SNX21: variants seen among roughly 807,000 people sequenced by gnomAD.
SNX21 encodes sorting nexin-21.
SNX21 carries 36 observed loss-of-function variants against 30.9 expected under a neutral mutation model. That is an observed-to-expected ratio of 1.16 (90% CI 0.89 to 1.54). The LOEUF is 1.54. Among genes scored for constraint, SNX21 ranks in the 40% most tolerant of loss-of-function variants. The pLI is 0.00. For synonymous variants in SNX21, 218 were observed against 222.7 expected, an observed-to-expected ratio of 0.98 and a Z score of 0.19; for missense variants, 508 against 516.5, an observed-to-expected ratio of 0.98 and a Z score of 0.16.
rs749627647 is a variant in SNX21 at position 45,840,662 on chromosome 20, C to G, written c.471C>G (p.Gly157=). The part of the protein sequence containing the change: ...KYVLYTLAVI[G]PGPPDCQPAQ... ...AGCTCTACACCCTCGCCGTGATCGG[C>G]CCAGGACCGCCAGATTGCCAGCCAG... The change falls in exon 4 of 4, where the codon GGC becomes GGG. Residue 157 remains glycine (G), a synonymous_variant. Transcript: ENST00000491381. The G allele has an allele frequency of 2.5e-6, 4 of 1,614,082 alleles. No homozygotes were observed. The East Asian group carries it at 6.7e-5, about 27-fold the overall frequency.
intron 3 of SNX21, among the ~76,000 whole-genome samples, chr20:45,839,275 G>A (rs1983803199): frequency 6.6e-6 from 1 of 152,094 alleles, no homozygotes; most frequent in Admixed American, 6.6e-5. Context: ...CAGCACTCTG[G>A]GAGGCAAAGG....
chr20:45,842,406 A>G lies in SNX21; in HGVS notation c.*1093A>G, dbSNP rs1206862977. 3.4e-6 allele frequency: 4 copies of G among 1,193,120 alleles called. No homozygotes were observed. The highest frequency in any genetic ancestry group is 4.2e-6 in the Non-Finnish European group (4 of 959,502). 73.9% of individuals were successfully genotyped at this position (1,193,120 alleles called of 1,614,324 possible). A position where few individuals can be genotyped will look rare whatever the true frequency, so the allele number is the denominator to read the frequency against. ...GCCAAGCAGAACTGCTGTACCTCTG[A>G]CCACTTGTGTTAGGAAAACTATCGG... On this transcript the variant is annotated 3_prime_UTR_variant, in exon 4 of 4. Transcript: ENST00000491381.
intron 3 of SNX21, among the ~76,000 whole-genome samples, chr20:45,839,180 T>A (rs551320003): frequency 7.4e-4 from 113 of 152,250 alleles, no homozygotes; most frequent in Non-Finnish European, 1.4e-3. Context: ...GGTGTGTGTG[T>A]GAGCCACTGC....
intron 3 of SNX21, among the ~76,000 whole-genome samples, chr20:45,839,714 A>AC (rs557429567): frequency 8.6e-4 from 119 of 138,852 alleles, no homozygotes; most frequent in Non-Finnish European, 1.1e-3. Flanking sequence ...ACATAGTGAG[A>AC]CCCCCCCTCA....
At chr20:45,836,824 C>T (rs990660570) in intron 3 of SNX21, among the ~76,000 whole-genome samples, 1 of 152,224 alleles carries the variant, frequency 6.6e-6, no homozygotes, top group East Asian at 1.9e-4. Context: ...AAGTATGCCC[C>T]GGCCTGTGTC....
intron 3 of SNX21, among the ~76,000 whole-genome samples, chr20:45,839,669 T>TGTTCAAGGCCAGGA (rs1231328470): frequency 6.6e-6 from 1 of 151,730 alleles, no homozygotes; most frequent in South Asian, 2.1e-4. Context: ...CTAGGAAGAT[T>TGTTCAAGGCCAGGA]GTTCAAGGCC....
rs1476155945 is a variant in SNX21, at chr20:45,840,224, T to C, written c.448-415T>C. The C allele has an allele frequency of 2.1e-6, 3 of 1,422,454 alleles. No homozygotes were observed. The East Asian group carries it at 7.9e-5, about 37-fold the overall frequency. 88.1% of individuals were successfully genotyped at this position (1,422,454 alleles called of 1,614,324 possible). A position where few individuals can be genotyped will look rare whatever the true frequency, so the allele number is the denominator to read the frequency against. ...TAGTTTGGAAAAGCCTGACCAGGGATGTGGAGGCCAGGTGTCCAAAGTGGA... is the reference window on the plus strand; with the variant it reads ...TAGTTTGGAAAAGCCTGACCAGGGACGTGGAGGCCAGGTGTCCAAAGTGGA... On this transcript the variant is annotated intron_variant, in intron 3 of 3. Coordinates refer to ENST00000491381, the MANE Select transcript of SNX21 (RefSeq NM_033421.4).
chr20:45,834,625 A>G, intron 2 of SNX21, 157 bp downstream of exon 2: 1 of 1,023,798 alleles, frequency 9.8e-7, no homozygotes, highest in South Asian at 1.7e-5. Flanking sequence ...ACCTTGAGAG[A>G]GTCTTAACCC....
rs1983235311 is a variant in SNX21 at position 45,833,952 on chromosome 20, C to T, written c.21+12C>T. ...GTGGGACGCAGGAGGTAGAGGCGCACGAGGCGGCGCAAGAGACATCGGGAG... is the reference window on the plus strand; with the variant it reads ...GTGGGACGCAGGAGGTAGAGGCGCATGAGGCGGCGCAAGAGACATCGGGAG... On this transcript the variant is annotated intron_variant, in intron 1 of 3. Transcript: ENST00000491381. 7.0e-7 allele frequency: 1 copy of T among 1,436,810 alleles called. No individual in the cohort carries two copies. Among genetic ancestry groups the T allele is most frequent in the Non-Finnish European group, 9.1e-7 (1 of 1,098,306 alleles). The allele number at this position is 1,436,810 out of a possible 1,614,324, so 89.0% of individuals were successfully genotyped here.
rs1011537740 is a variant in SNX21 at position 45,836,478 on chromosome 20, G to A, written c.447+1362G>A. On this transcript the variant is annotated intron_variant, in intron 3 of 3. Transcript: ENST00000491381. Reference sequence around the variant, plus strand: ...TGCAGTCCGGCCTGGGCAACAGAGCGAGACTCCGTCTCAAAAAAAAAAAAA... The same window carrying A: ...TGCAGTCCGGCCTGGGCAACAGAGCAAGACTCCGTCTCAAAAAAAAAAAAA... 1.6e-4 allele frequency among the ~76,000 whole-genome samples: 18 copies of A among 110,654 alleles called. No homozygotes were observed. The East Asian group carries it at 4.7e-3, about 29-fold the overall frequency. The allele number at this position is 110,654 out of a possible 152,430, so 72.6% of individuals were successfully genotyped here.
At position 45,843,243 on chromosome 20, in the gene SNX21, T is replaced by C. The variant is rs78083685; in HGVS notation, c.*1930T>C. The C allele has an allele frequency of 5.2e-6, 3 of 577,274 alleles. No individual in the cohort carries two copies. The highest frequency in any genetic ancestry group is 1.9e-5 in the African/African-American group (1 of 53,572). 35.8% of individuals were successfully genotyped at this position (577,274 alleles called of 1,614,324 possible). On this transcript the variant is annotated 3_prime_UTR_variant, in exon 4 of 4. Transcript: ENST00000491381. Reference sequence around the variant, plus strand: ...ACTGAGGTTCAGATGGAAGATATGATTTGCCTATTGTAATACAAAGAATCT... The same window carrying C: ...ACTGAGGTTCAGATGGAAGATATGACTTGCCTATTGTAATACAAAGAATCT...
intron 1 of SNX21, 90 bp from the exon 2 acceptor site, chr20:45,834,111 C>T: frequency 7.1e-7 from 1 of 1,414,098 alleles, no homozygotes; most frequent in Non-Finnish European, 9.2e-7. Context: ...CCCTCCCTCT[C>T]CGGTTCGGGC....
Position 45,842,969 on chromosome 20 carries a change from C to G in SNX21, c.*1656C>G. On this transcript the variant is annotated 3_prime_UTR_variant, in exon 4 of 4. Transcript: ENST00000491381. ...ACATTGATGAACGAGTCTTGTTTCTCTCCCCTGCAAGGAAGGTCCAAGCAG... is the reference window on the plus strand; with the variant it reads ...ACATTGATGAACGAGTCTTGTTTCTGTCCCCTGCAAGGAAGGTCCAAGCAG... The G allele has an allele frequency of 9.9e-7, 1 of 1,015,128 alleles. No individual in the cohort carries two copies. Among genetic ancestry groups the G allele is most frequent in the Admixed American group, 5.1e-5 (1 of 19,464 alleles). The allele number at this position is 1,015,128 out of a possible 1,614,324, so 62.9% of individuals were successfully genotyped here. A position where few individuals can be genotyped will look rare whatever the true frequency, so the allele number is the denominator to read the frequency against.
In SNX21 at chr20:45,840,648, C is replaced by G. The variant is rs1418518599; in HGVS notation, c.457C>G (p.Leu153Val). The G allele has an allele frequency of 3.7e-6, 6 of 1,614,080 alleles. No individual in the cohort carries two copies. Among genetic ancestry groups the G allele is most frequent in the Non-Finnish European group, 5.1e-6 (6 of 1,180,028 alleles). The stretch of plus-strand genomic sequence containing the variant: ...CCCACCCTCCCTGCAGCTCTACACC[C>G]TCGCCGTGATCGGCCCAGGACCGCC... ...DPPSKYVLYT[L>V]AVIGPGPPDC... Residue 153 changes from leucine to valine, a missense_variant, in exon 4 of 4, where the codon CTC becomes GTC. Physicochemically the swap from Leu to Val is conservative, Grantham distance 32. Transcript: ENST00000491381.
At chr20:45,837,353 G>C (rs1983630717) in intron 3 of SNX21, among the ~76,000 whole-genome samples, 1 of 152,186 alleles carries the variant, frequency 6.6e-6, no homozygotes, top group Non-Finnish European at 1.5e-5. Context: ...TGAGAATGCA[G>C]AGTTAAATGA....
At chr20:45,839,786 A>G (rs1198028428) in intron 3 of SNX21, among the ~76,000 whole-genome samples, 1 of 150,996 alleles carries the variant, frequency 6.6e-6, no homozygotes, top group African/African-American at 2.4e-5. Context: ...GTGCATGCCT[A>G]TAGTCCTAGC....
intron 3 of SNX21, among the ~76,000 whole-genome samples, chr20:45,837,928 A>G (rs1027470178): frequency 6.6e-6 from 1 of 151,246 alleles, no homozygotes; most frequent in Non-Finnish European, 1.5e-5. Flanking sequence ...GCCCACCACC[A>G]TGCCTGGCTA....
Position 45,841,304 on chromosome 20 carries a change from G to A in SNX21, c.1113G>A (p.Val371=), listed in dbSNP as rs750479848. Residue 371 remains valine (V), a synonymous_variant, in exon 4 of 4, where the codon GTG becomes GTA. Coordinates refer to ENST00000491381, the MANE Select transcript of SNX21 (RefSeq NM_033421.4). ...PSLKELLIKE[V]LD ...TCAAAGAATTGCTCATCAAGGAGGT[G>A]CTGGACTAACCCTTGCCTAGATTTA... 5.1e-6 allele frequency: 8 copies of A among 1,561,712 alleles called. No homozygotes were observed. The highest frequency in any genetic ancestry group is 6.9e-6 in the Non-Finnish European group (8 of 1,157,430).
chr20:45,840,019 A>G (rs1256670132), intron 3 of SNX21: 2 of 411,010 alleles, frequency 4.9e-6, no homozygotes, highest in Middle Eastern at 1.2e-3. Context: ...TTTTTGGACA[A>G]ACACTGACTT....
Sources: allele counts gnomAD v4.1 joint callset (sites outside exome capture counted in the v4.1 genomes callset), GRCh38; gene constraint gnomAD v4.1.1; transcripts MANE v1.5; gene names NCBI Gene and HGNC (gene_info 2026-07-23, HGNC 2026-07-21).